Variants in SORL1 observed in about 807,000 individuals in gnomAD.
SORL1 encodes sortilin related receptor 1.
A neutral mutation model predicts 273.7 loss-of-function variants in SORL1; 127 were observed. The ratio of observed to expected loss-of-function variants is 0.46; its 90% CI spans 0.40 to 0.54. The LOEUF is 0.54. Ranked by LOEUF, SORL1 falls within the 20% of genes least tolerant of loss-of-function variation. The pLI is 0.00. For synonymous variants in SORL1, 1,031 were observed against 1,067.4 expected, an observed-to-expected ratio of 0.97 and a Z score of 0.66; for missense variants, 2,494 against 2,846.1, an observed-to-expected ratio of 0.88 and a Z score of 2.81.
At chr11:121,478,032 C>CAAAA (rs55896588) in intron 2 of SORL1, 86 bp from the exon 3 acceptor site, 26 of 1,048,376 alleles carry the variant, frequency 2.5e-5, no homozygotes, top group South Asian at 8.5e-5. Flanking sequence ...AACTCAGTCT[C>CAAAA]AAAAAAAAAA....
intron 3 of SORL1, among the ~76,000 whole-genome samples, chr11:121,480,839 G>A (rs2511256): frequency 1.4e-5 from 2 of 140,898 alleles, no homozygotes; most frequent in Admixed American, 7.0e-5. Context: ...CTCCCCTAGT[G>A]CACAGATACC....
At chr11:121,502,446 T>C (rs148843156) in intron 6 of SORL1, among the ~76,000 whole-genome samples, 1 of 152,150 alleles carries the variant, frequency 6.6e-6, no homozygotes, top group African/African-American at 2.4e-5. Context: ...GACAATTCTA[T>C]GTTTAACTTT....
At chr11:121,546,106 G>A (rs995849944) in intron 14 of SORL1, among the ~76,000 whole-genome samples, 1 of 152,222 alleles carries the variant, frequency 6.6e-6, no homozygotes, top group Non-Finnish European at 1.5e-5. Flanking sequence ...TTGAGACCAT[G>A]TGTCTGCAAC....
intron 1 of SORL1, among the ~76,000 whole-genome samples, chr11:121,455,264 G>C (rs1387984782): frequency 6.6e-6 from 1 of 152,172 alleles, no homozygotes; most frequent in African/African-American, 2.4e-5. Context: ...GTGTGATAAC[G>C]GGCTGTGTGA....
chr11:121,511,279 A>C (rs1565319900), intron 6 of SORL1, among the ~76,000 whole-genome samples: 1 of 152,188 alleles, frequency 6.6e-6, no homozygotes, highest in Non-Finnish European at 1.5e-5. Flanking sequence ...TCCCAGCAGC[A>C]ATCGTTAAGT....
chr11:121,619,873 G>T lies in SORL1; in HGVS notation c.5845G>T (p.Val1949Phe). ...HVVHTGKTSV[V>F]IKWESPYDSP... ...GGTTCATACGGGCAAAACCTCCGTG[G>T]TCATCAAGTGGGAATCACCGTATGA... Residue 1949 changes from valine (V) to phenylalanine (F), a missense_variant, in exon 43 of 48, where the codon GTC (valine) becomes TTC (phenylalanine). By Grantham distance (50) the Val-to-Phe change is conservative (BLOSUM62 -1). Coordinates refer to ENST00000260197, the MANE Select transcript of SORL1 (RefSeq NM_003105.6). 1 of 1,614,086 alleles carries T rather than the reference G, an allele frequency of 6.2e-7. No individual in the cohort carries two copies. Among genetic ancestry groups the T allele is most frequent in the Non-Finnish European group, 8.5e-7 (1 of 1,179,984 alleles).
In SORL1 at chr11:121,629,619, G is replaced by T; in HGVS notation, c.*56G>T. 1 of 854,622 alleles carries T rather than the reference G, an allele frequency of 1.2e-6. No homozygotes were observed. The highest frequency in any genetic ancestry group is 1.4e-5 in the South Asian group (1 of 71,638). 52.9% of individuals were successfully genotyped at this position (854,622 alleles called of 1,614,324 possible). On this transcript the variant is annotated 3_prime_UTR_variant, in exon 48 of 48. Transcript: ENST00000260197. Reference sequence around the variant, plus strand: ...GTAAATATTTTATTTGATAAAGATAGTTGATGGTTTATTTTAAAAGATGCA... The same window carrying T: ...GTAAATATTTTATTTGATAAAGATATTTGATGGTTTATTTTAAAAGATGCA...
intron 38 of SORL1, chr11:121,610,179 T>C (rs1863540983): frequency 6.6e-6 from 1 of 152,254 alleles, no homozygotes; most frequent in South Asian, 2.1e-4. Context: ...GGCATATGTG[T>C]GGAGAGTCTA....
intron 1 of SORL1, among the ~76,000 whole-genome samples, chr11:121,469,506 G>A (rs1861138935): frequency 6.6e-6 from 1 of 152,178 alleles, no homozygotes; most frequent in African/African-American, 2.4e-5. Context: ...GCTTCACAAT[G>A]ATACTTCTCT....
At position 121,522,698 on chromosome 11, in the gene SORL1, C is replaced by T; in HGVS notation, c.1517C>T (p.Ala506Val). 2 of 1,611,364 alleles carry T rather than the reference C, an allele frequency of 1.2e-6. No homozygotes were observed. Among genetic ancestry groups the T allele is most frequent in the Non-Finnish European group, 1.7e-6 (2 of 1,177,476 alleles). Residue 506 changes from alanine (A) to valine (V), a missense_variant, in exon 10 of 48, where the codon GCC becomes GTC. By Grantham distance (64) the Ala-to-Val change is moderately conservative. Coordinates refer to ENST00000260197, the MANE Select transcript of SORL1 (RefSeq NM_003105.6). The stretch of plus-strand genomic sequence containing the variant: ...GAGTCGGCTCCAGGCCTCATCATCG[C>T]CACTGGTAAGTGTGCTTGCCTGTTC... ...SKESAPGLII[A>V]TGSVGKNLAS...
intron 32 of SORL1, among the ~76,000 whole-genome samples, chr11:121,600,240 A>G (rs564962391): frequency 6.6e-6 from 1 of 152,360 alleles, no homozygotes; most frequent in African/African-American, 2.4e-5. Flanking sequence ...TTGTGGAGAT[A>G]GGAGAATTAA....
intron 32 of SORL1, among the ~76,000 whole-genome samples, chr11:121,602,948 T>G (rs1863417308): frequency 6.6e-6 from 1 of 152,192 alleles, no homozygotes. Flanking sequence ...ATGTTCAGCC[T>G]CCTTTTGTCT....
rs766326995 is a variant in SORL1 at position 121,621,203 on chromosome 11, A to C, written c.6029A>C (p.Asn2010Thr). ...TACCACATCATTGTCCAACTGGGGA[A>C]CATGAGCAAAGATTCCAGCATAAAA... ...GKYHIIVQLG[N>T]MSKDSSIKIT... is the part of the protein sequence containing the mutation. Residue 2010 changes from asparagine (N) to threonine (T), a missense_variant, in exon 44 of 48, where the codon AAC becomes ACC. Around this residue, in one of 3 missense-constraint regions of SORL1, gnomAD observed 1,609 missense variants for 1,816.4 expected, o/e 0.89. Transcript: ENST00000260197. 1.2e-6 allele frequency: 2 copies of C among 1,614,070 alleles called. No individual in the cohort carries two copies. Among genetic ancestry groups the C allele is most frequent in the Non-Finnish European group, 1.7e-6 (2 of 1,180,002 alleles).
At chr11:121,508,374 A>G (rs1481964823) in intron 6 of SORL1, among the ~76,000 whole-genome samples, 5 of 152,048 alleles carry the variant, frequency 3.3e-5, no homozygotes, top group African/African-American at 1.2e-4. Context: ...TTTTCCTTTT[A>G]AGCTTTTTAG....
chr11:121,576,182 T>TTATA (rs1261059319), intron 24 of SORL1, among the ~76,000 whole-genome samples: 2 of 152,198 alleles, frequency 1.3e-5, no homozygotes, highest in Non-Finnish European at 2.9e-5. Context: ...TGTAGGTAAT[T>TTATA]TATAAACAAT....
chr11:121,591,066 A>G lies in SORL1; in HGVS notation c.4279A>G (p.Ser1427Gly), dbSNP rs1384142402. Reference protein sequence around the residue: ...STCLPNYYRCSSGTCVMDTWV... With the variant: ...STCLPNYYRCGSGTCVMDTWV... Reference sequence around the variant, plus strand: ...GTGTCTGCCCAATTACTACCGCTGCAGCAGTGGGACCTGCGTGATGGACAC... The same window carrying G: ...GTGTCTGCCCAATTACTACCGCTGCGGCAGTGGGACCTGCGTGATGGACAC... Residue 1427 changes from serine (S) to glycine (G), a missense_variant, in exon 31 of 48, where the codon AGC (serine) becomes GGC (glycine). Ser to Gly is a moderately conservative substitution (Grantham distance 56). Around this residue, in one of 3 missense-constraint regions of SORL1, gnomAD observed 1,609 missense variants for 1,816.4 expected, o/e 0.89. Coordinates refer to ENST00000260197, the MANE Select transcript of SORL1 (RefSeq NM_003105.6). 6.2e-7 allele frequency: 1 copy of G among 1,614,192 alleles called. No individual in the cohort carries two copies.
At chr11:121,578,238 A>G (rs1191312482) in intron 25 of SORL1, among the ~76,000 whole-genome samples, 1 of 152,196 alleles carries the variant, frequency 6.6e-6, no homozygotes, top group African/African-American at 2.4e-5. Flanking sequence ...TCCTTTAAAC[A>G]TTTCATGGTA....
At chr11:121,557,554 A>G (rs1337991286) in intron 19 of SORL1, 149 bp downstream of exon 19, 9 of 654,736 alleles carry the variant, frequency 1.4e-5, no homozygotes, top group Non-Finnish European at 2.2e-5. Flanking sequence ...ACCACAGCTT[A>G]GTCATCGTGG....
chr11:121,528,044 A>T (rs1862147866), intron 11 of SORL1, among the ~76,000 whole-genome samples: 1 of 151,342 alleles, frequency 6.6e-6, no homozygotes, highest in African/African-American at 2.4e-5. Flanking sequence ...TATTGATTTT[A>T]TATCTTCTTT....
Sources: allele counts gnomAD v4.1 joint callset (sites outside exome capture counted in the v4.1 genomes callset), GRCh38; gene constraint gnomAD v4.1.1; regional missense constraint gnomAD v4.1.1; transcripts MANE v1.5; gene names NCBI Gene and HGNC (gene_info 2026-07-23, HGNC 2026-07-21).